The following REDIC1 variants were observed in gnomAD, a reference collection of about 807,000 sequenced individuals.
REDIC1 encodes HEI10 Interacting Protein 1.
the REDIC1 span, among the ~76,000 whole-genome samples, chr12:39,701,782 A>G: frequency 6.6e-6 from 1 of 152,152 alleles, no homozygotes; most frequent in Non-Finnish European, 1.5e-5. Flanking sequence ...AGGATTAAGA[A>G]TCTCACTCAA....
chr12:39,698,898 C>T, the REDIC1 span, among the ~76,000 whole-genome samples: 1 of 152,062 alleles, frequency 6.6e-6, no homozygotes, highest in African/African-American at 2.4e-5. Flanking sequence ...AGAAAAACCA[C>T]AAATAAACAC....
chr12:39,749,956 A>T, the REDIC1 span, among the ~76,000 whole-genome samples: 1 of 152,240 alleles, frequency 6.6e-6, no homozygotes, highest in East Asian at 1.9e-4. Context: ...CCCACAGCCA[A>T]TATCATACTG....
chr12:39,703,530 A>G, the REDIC1 span, among the ~76,000 whole-genome samples: 1 of 151,908 alleles, frequency 6.6e-6, no homozygotes. Context: ...TACAGATTCA[A>G]TGCCATCCCC....
the REDIC1 span, chr12:39,864,762 C>T: frequency 6.2e-7 from 1 of 1,613,734 alleles, no homozygotes; most frequent in African/African-American, 1.3e-5. Context: ...GGAATCTCAC[C>T]TGTATCTTGT....
the REDIC1 span, among the ~76,000 whole-genome samples, chr12:39,711,228 CAT>C: frequency 1.0e-4 from 15 of 148,540 alleles, no homozygotes; most frequent in Admixed American, 6.8e-4. Context: ...TTTAATCTAC[CAT>C]ATATATATAT....
the REDIC1 span, among the ~76,000 whole-genome samples, chr12:39,784,019 G>C: frequency 2.1e-4 from 32 of 152,118 alleles, no homozygotes; most frequent in Non-Finnish European, 4.1e-4. Context: ...AGCTTACAAG[G>C]GATGTGAAGG....
the REDIC1 span, among the ~76,000 whole-genome samples, chr12:39,902,970 T>TGTGCAAC: frequency 2.6e-5 from 4 of 152,144 alleles, no homozygotes; most frequent in Non-Finnish European, 5.9e-5. Context: ...GAAATGTTTG[T>TGTGCAAC]TCATAAAAAG....
chr12:39,907,939 C>G, the REDIC1 span: 1 of 151,310 alleles, frequency 6.6e-6, no homozygotes, highest in African/African-American at 2.5e-5. Context: ...ACCTTTACAA[C>G]TACGCCTCCA....
At chr12:39,692,464 C>G in the REDIC1 span, among the ~76,000 whole-genome samples, 1 of 151,768 alleles carries the variant, frequency 6.6e-6, no homozygotes, top group Non-Finnish European at 1.5e-5. Flanking sequence ...TTTGTTATAA[C>G]ACAGACTTTT....
the REDIC1 span, chr12:39,757,652 G>T: frequency 4.6e-5 from 7 of 152,132 alleles, no homozygotes; most frequent in Admixed American, 2.6e-4. Flanking sequence ...CTTTAAAGTA[G>T]GGGCTCAGGG....
chr12:39,669,056 C>G, the REDIC1 span, among the ~76,000 whole-genome samples: 1 of 152,188 alleles, frequency 6.6e-6, no homozygotes, highest in Non-Finnish European at 1.5e-5. Flanking sequence ...CTCAACTCAT[C>G]AAAGTCATTC....
chr12:39,687,140 CCTTAT>C, the REDIC1 span, among the ~76,000 whole-genome samples: 4 of 152,076 alleles, frequency 2.6e-5, no homozygotes, highest in African/African-American at 9.7e-5. Context: ...CCAAACTTTC[CCTTAT>C]CTTGTGTTCT....
the REDIC1 span, among the ~76,000 whole-genome samples, chr12:39,718,482 A>G: frequency 6.6e-6 from 1 of 152,136 alleles, no homozygotes; most frequent in African/African-American, 2.4e-5. Context: ...TTCTTATTGT[A>G]TTACCAAGAA....
At chr12:39,769,063 A>G in the REDIC1 span, among the ~76,000 whole-genome samples, 1 of 152,092 alleles carries the variant, frequency 6.6e-6, no homozygotes, top group Admixed American at 6.6e-5. Flanking sequence ...CTTCTCAGAA[A>G]CTGAGCAGTG....
At chr12:39,814,454 C>T in the REDIC1 span, among the ~76,000 whole-genome samples, 1 of 152,170 alleles carries the variant, frequency 6.6e-6, no homozygotes, top group Non-Finnish European at 1.5e-5. Flanking sequence ...AAGTAACACA[C>T]TGGCTCACTA....
the REDIC1 span, among the ~76,000 whole-genome samples, chr12:39,797,199 T>C: frequency 2.0e-5 from 3 of 152,206 alleles, no homozygotes; most frequent in Non-Finnish European, 4.4e-5. Flanking sequence ...GCAAGCCTGA[T>C]TTAAAGTAAG....
chr12:39,788,344 TA>T, the REDIC1 span, among the ~76,000 whole-genome samples: 4 of 152,136 alleles, frequency 2.6e-5, no homozygotes, highest in Non-Finnish European at 4.4e-5. Flanking sequence ...AAGTAACAAA[TA>T]AGGGTTACTT....
At chr12:39,898,781 T>C in the REDIC1 span, among the ~76,000 whole-genome samples, 2 of 152,138 alleles carry the variant, frequency 1.3e-5, no homozygotes, top group Non-Finnish European at 2.9e-5. Context: ...CTCTCAATTA[T>C]TCTCTCACAG....
At chr12:39,792,409 A>G in the REDIC1 span, among the ~76,000 whole-genome samples, 1 of 152,166 alleles carries the variant, frequency 6.6e-6, no homozygotes, top group Non-Finnish European at 1.5e-5. Context: ...TCTGCACAGC[A>G]AAAGAAACTA....
Sources: allele counts gnomAD v4.1 joint callset (sites outside exome capture counted in the v4.1 genomes callset), GRCh38; gene constraint gnomAD v4.1.1; transcripts MANE v1.5; gene names NCBI Gene and HGNC (gene_info 2026-07-23, HGNC 2026-07-21).